Variants in CHODL observed in about 807,000 individuals in gnomAD.
CHODL encodes chondrolectin.
Under a neutral mutation model 34.5 loss-of-function variants are expected in CHODL, and 29 were observed. The ratio of observed to expected loss-of-function variants is 0.84; its 90% CI spans 0.63 to 1.15. The LOEUF is 1.15. Ranked by LOEUF, CHODL falls within the 50% of genes most tolerant of loss-of-function variation. The pLI, the probability that CHODL is intolerant of heterozygous loss-of-function variation, is 0.00. For synonymous variants in CHODL, 125 were observed against 116.1 expected (o/e 1.08, Z -0.49); for missense variants, 332 against 332.5 (o/e 1.00, Z 0.01).
chr21:18,154,954 G>A (rs1162909616), intron 2 of CHODL, among the ~76,000 whole-genome samples: 1 of 152,092 alleles, frequency 6.6e-6, no homozygotes, highest in African/African-American at 2.4e-5. Context: ...TAATAATAGT[G>A]GACAGGCACA....
intron 2 of CHODL, among the ~76,000 whole-genome samples, chr21:18,093,826 A>T (rs2065104514): frequency 6.6e-6 from 1 of 152,114 alleles, no homozygotes; most frequent in Admixed American, 6.6e-5. Flanking sequence ...GAAGAAAGAG[A>T]CGACTGGGAA....
In CHODL at chr21:18,161,787, A is replaced by C. The variant is rs565487570; in HGVS notation, c.-44-94722A>C. The stretch of plus-strand genomic sequence containing the variant: ...CTATTGCATTTGTACTGAAACTTTC[A>C]TCAGAATTTATTTCACTCTTGCCTT... On this transcript the variant is annotated intron_variant, in intron 2 of 6. Transcript: ENST00000400127. Among the ~76,000 whole-genome samples, 8 of 152,278 alleles carry C rather than the reference A, an allele frequency of 5.3e-5. No individual in the cohort carries two copies. The East Asian group carries it at 1.5e-3, about 29-fold the overall frequency.
chr21:18,104,209 C>T (rs1286096106), intron 2 of CHODL, among the ~76,000 whole-genome samples: 3 of 152,156 alleles, frequency 2.0e-5, no homozygotes, highest in Admixed American at 1.3e-4. Flanking sequence ...CTTTGTGTCC[C>T]TACCCAAATC....
chr21:18,097,971 G>A (rs1165677291), intron 2 of CHODL, among the ~76,000 whole-genome samples: 2 of 152,046 alleles, frequency 1.3e-5, no homozygotes, highest in Non-Finnish European at 2.9e-5. Context: ...CTGGGGAAAA[G>A]ACAGTCACTT....
chr21:17,981,326 C>T (rs571860756), intron 1 of CHODL, among the ~76,000 whole-genome samples: 25 of 152,242 alleles, frequency 1.6e-4, no homozygotes, highest in African/African-American at 5.8e-4. Flanking sequence ...CCTTATGAAA[C>T]AGGAAAACAG....
At chr21:18,229,882 T>G (rs1443104280) in intron 2 of CHODL, among the ~76,000 whole-genome samples, 1 of 152,146 alleles carries the variant, frequency 6.6e-6, no homozygotes, top group Non-Finnish European at 1.5e-5. Context: ...GAAAGGATAA[T>G]CTTCGCAAAG....
chr21:18,154,927 G>T (rs1037776965), intron 2 of CHODL, among the ~76,000 whole-genome samples: 1 of 152,192 alleles, frequency 6.6e-6, no homozygotes, highest in Non-Finnish European at 1.5e-5. Context: ...TGGGAAGGCT[G>T]AGAGAAGCAG....
chr21:17,984,680 G>A (rs1329934974), intron 1 of CHODL, among the ~76,000 whole-genome samples: 2 of 151,384 alleles, frequency 1.3e-5, no homozygotes, highest in East Asian at 3.9e-4. Flanking sequence ...TTTGCCTTTC[G>A]TATCATGTGT....
intron 2 of CHODL, among the ~76,000 whole-genome samples, chr21:18,125,815 A>G (rs1176261909): frequency 6.6e-6 from 1 of 152,206 alleles, no homozygotes; most frequent in Non-Finnish European, 1.5e-5. Flanking sequence ...CATAAAAAGA[A>G]AAACAGCTCA....
chr21:18,069,539 AATAT>A (rs71318122), intron 2 of CHODL, among the ~76,000 whole-genome samples: 4 of 147,504 alleles, frequency 2.7e-5, no homozygotes, highest in East Asian at 2.0e-4. Flanking sequence ...ATATATGTGG[AATAT>A]ATATATATAT....
intron 2 of CHODL, among the ~76,000 whole-genome samples, chr21:18,049,258 T>C (rs547414630): frequency 1.3e-5 from 2 of 152,050 alleles, no homozygotes; most frequent in South Asian, 2.1e-4. Context: ...CTTATGGTGA[T>C]CAAAATAGAT....
At chr21:18,160,897 G>T (rs1017868404) in intron 2 of CHODL, among the ~76,000 whole-genome samples, 4 of 152,166 alleles carry the variant, frequency 2.6e-5, no homozygotes, top group African/African-American at 9.7e-5. Flanking sequence ...AGGTCTTTGA[G>T]AAATCGCCAA....
intron 1 of CHODL, among the ~76,000 whole-genome samples, chr21:18,027,052 C>G (rs1664705): frequency 1 from 152,192 of 152,194 alleles, 76,095 homozygotes; most frequent in Middle Eastern, 1. Flanking sequence ...AGAAGTGGGT[C>G]GATTGCTGAA....
rs190191613 is a variant in CHODL, at chr21:17,925,945, G to A, written c.-145+8545G>A. On this transcript the variant is annotated intron_variant, in intron 1 of 6. Transcript: ENST00000400127. ...GTTTACTCATGAGGATATAATTTGA[G>A]ATGTTTAATAGACAATTAGTATTTC... 2.2e-3 allele frequency among the ~76,000 whole-genome samples: 339 copies of A among 152,246 alleles called. 3 individuals are homozygous for A. Among genetic ancestry groups the A allele is most frequent in the Non-Finnish European group, 3.9e-3 (268 of 68,002 alleles).
At chr21:18,024,568 T>G (rs2064155798) in intron 1 of CHODL, 1 of 152,210 alleles carries the variant, frequency 6.6e-6, no homozygotes, top group Admixed American at 6.5e-5. Context: ...AAGAGGAAGT[T>G]CTGAAGATGG....
intron 2 of CHODL, among the ~76,000 whole-genome samples, chr21:18,138,167 A>G (rs1179286501): frequency 7.0e-6 from 1 of 142,906 alleles, no homozygotes; most frequent in African/African-American, 2.6e-5. Context: ...TTTTTTTTTT[A>G]TGTATAGTAG....
At chr21:18,143,376 TAATAA>T (rs2072826063) in intron 2 of CHODL, among the ~76,000 whole-genome samples, 1 of 152,174 alleles carries the variant, frequency 6.6e-6, no homozygotes, top group South Asian at 2.1e-4. Flanking sequence ...ACACCATAAA[TAATAA>T]AATGTTTCAT....
chr21:18,212,246 A>C lies in CHODL; in HGVS notation c.-44-44263A>C, dbSNP rs561927802. Among the ~76,000 whole-genome samples the C allele has an allele frequency of 2.0e-5, 3 of 152,290 alleles. No individual in the cohort carries two copies. The South Asian group carries it at 6.2e-4, about 32-fold the overall frequency. On this transcript the variant is annotated intron_variant, in intron 2 of 6. Transcript: ENST00000400127. ...ACTTTTCCACTGCCCAAACAATATC[A>C]TAGTTAATAGCAATTTTGATGTCTG...
At chr21:18,118,194 G>A (rs369282984) in intron 2 of CHODL, among the ~76,000 whole-genome samples, 29 of 152,282 alleles carry the variant, frequency 1.9e-4, no homozygotes, top group African/African-American at 7.0e-4. Context: ...GAGAGCTTCT[G>A]TCTTAATTCG....
Sources: gnomAD v4.1 joint callset for allele counts (sites outside exome capture counted in the v4.1 genomes callset) on GRCh38, gnomAD v4.1.1 for gene constraint, MANE v1.5 for transcripts, NCBI Gene and HGNC (gene_info 2026-07-23, HGNC 2026-07-21) for gene names.